The following CDH18 variants were observed in gnomAD, a reference collection of about 807,000 sequenced individuals.
CDH18 encodes cadherin-18.
Under a neutral mutation model 67.9 loss-of-function variants are expected in CDH18, and 31 were observed. The observed-to-expected ratio is 0.46, with a 90% CI of 0.34 to 0.62. CDH18 has a LOEUF of 0.62. CDH18 is among the 20% of genes least tolerant of loss of function. The probability of loss-of-function intolerance (pLI) is 0.01; values close to 1 mark genes in which losing one functional copy is unlikely to be tolerated. For missense variants in CDH18, 890 were observed against 975.5 expected (o/e 0.91, Z 1.17); for synonymous variants, 362 against 347.2 (o/e 1.04, Z -0.48).
At position 20,175,616 on chromosome 5, in the gene CDH18, T is replaced by C. The variant is rs531310046; in HGVS notation, c.-518+79828A>G. ...GCATCCCTGTAGAGCTTTGTATTAG[T>C]AAGAGTTCTCTAAAGGGACAGAACT... On this transcript the variant is annotated intron_variant, in intron 2 of 14. Transcript: ENST00000507958. 2.6e-5 allele frequency among the ~76,000 whole-genome samples: 4 copies of C among 152,222 alleles called. 1 individual carries two copies. The East Asian group carries it at 7.8e-4, about 30-fold the overall frequency.
At chr5:19,834,023 C>A (rs970354894) in intron 3 of CDH18, among the ~76,000 whole-genome samples, 3 of 151,918 alleles carry the variant, frequency 2.0e-5, no homozygotes, top group African/African-American at 7.3e-5. Context: ...CAGGATGATG[C>A]CGGCTTCATA....
At position 20,497,204 on chromosome 5, in the gene CDH18, C is replaced by T. The variant is rs1251181220; in HGVS notation, c.-580+78258G>A. Among the ~76,000 whole-genome samples the T allele has an allele frequency of 2.6e-5, 4 of 152,070 alleles. No homozygotes were observed. The East Asian group carries it at 7.7e-4, about 29-fold the overall frequency. Reference sequence around the variant, plus strand: ...GAGGGCTCAGGGAGTAATCGTGAACCAGGTTGTTTTGAGCCTTATAGGCTC... The same window carrying T: ...GAGGGCTCAGGGAGTAATCGTGAACTAGGTTGTTTTGAGCCTTATAGGCTC... On this transcript the variant is annotated intron_variant, in intron 1 of 14. Coordinates refer to the CDH18 transcript ENST00000507958.
intron 2 of CDH18, among the ~76,000 whole-genome samples, chr5:19,848,382 T>C (rs953512112): frequency 6.6e-5 from 10 of 152,044 alleles, no homozygotes; most frequent in African/African-American, 2.2e-4. Flanking sequence ...GATGAGAGGG[T>C]GCCACACTTT....
chr5:19,864,384 G>C (rs560494108), intron 2 of CDH18, among the ~76,000 whole-genome samples: 282 of 138,760 alleles, frequency 2.0e-3, no homozygotes, highest in Non-Finnish European at 3.7e-3. Context: ...GTTGTGTGGT[G>C]GGGGGAGGGG....
intron 2 of CDH18, among the ~76,000 whole-genome samples, chr5:20,194,466 T>C (rs1312909372): frequency 6.6e-6 from 1 of 152,038 alleles, no homozygotes; most frequent in East Asian, 1.9e-4. Context: ...CATGTTTATA[T>C]ATGCTAATCA....
intron 8 of CDH18, among the ~76,000 whole-genome samples, chr5:19,547,540 GT>G (rs1437716935): frequency 6.6e-6 from 1 of 152,106 alleles, no homozygotes; most frequent in Non-Finnish European, 1.5e-5. Flanking sequence ...AAAATATGTA[GT>G]CTTTTTGCCA....
rs115210800 is a variant in CDH18, at chr5:20,450,890, G to T, written c.-580+124572C>A. 3.7e-3 allele frequency among the ~76,000 whole-genome samples: 569 copies of T among 152,226 alleles called. 1 individual carries two copies. Among genetic ancestry groups the T allele is most frequent in the Non-Finnish European group, 5.0e-3 (338 of 68,018 alleles). On this transcript the variant is annotated intron_variant, in intron 1 of 14. Coordinates refer to the CDH18 transcript ENST00000507958. ...ATAATCATGGTGGAAGGTAAATGCC[G>T]AGCAAAGTCACGTCTTACATGGCAG...
intron 5 of CDH18, among the ~76,000 whole-genome samples, chr5:19,682,456 T>C (rs1760469043): frequency 1.3e-5 from 2 of 152,064 alleles, no homozygotes; most frequent in Admixed American, 1.3e-4. Flanking sequence ...TTTTTGCTTC[T>C]AAGACACCAC....
chr5:19,621,777 T>G (rs1278298781), intron 5 of CDH18, among the ~76,000 whole-genome samples: 1 of 152,220 alleles, frequency 6.6e-6, no homozygotes, highest in South Asian at 2.1e-4. Context: ...TTAATGATAC[T>G]GTATCGGACA....
intron 2 of CDH18, among the ~76,000 whole-genome samples, chr5:20,090,828 A>T (rs1745354977): frequency 1.3e-5 from 2 of 151,978 alleles, no homozygotes; most frequent in African/African-American, 4.8e-5. Flanking sequence ...CCAGGTGTTC[A>T]AGACCATTCT....
chr5:20,419,746 G>C (rs1275620370), intron 1 of CDH18, among the ~76,000 whole-genome samples: 1 of 150,734 alleles, frequency 6.6e-6, no homozygotes, highest in African/African-American at 2.5e-5. Context: ...CAAAGTTCTG[G>C]GATTACAGGC....
chr5:19,893,234 G>A (rs1788963639), intron 2 of CDH18, among the ~76,000 whole-genome samples: 1 of 152,128 alleles, frequency 6.6e-6, no homozygotes, highest in Admixed American at 6.6e-5. Context: ...GCTAATTCAT[G>A]GCCTTTTGCT....
intron 2 of CDH18, among the ~76,000 whole-genome samples, chr5:20,198,242 T>TGGAG (rs1739146548): frequency 6.6e-6 from 1 of 152,152 alleles, no homozygotes; most frequent in African/African-American, 2.4e-5. Context: ...TGGAACAGTT[T>TGGAG]GGAGGGCAAG....
chr5:19,994,754 G>T (rs1293715089), intron 2 of CDH18, among the ~76,000 whole-genome samples: 818 of 41,064 alleles, frequency 0.02, 17 homozygotes, highest in Non-Finnish European at 0.026. Context: ...GAGAGAGAGA[G>T]AGAGAGAGAG....
At chr5:20,038,085 A>G (rs1034278461) in intron 2 of CDH18, among the ~76,000 whole-genome samples, 2 of 152,184 alleles carry the variant, frequency 1.3e-5, no homozygotes, top group African/African-American at 4.8e-5. Context: ...TACACAAATA[A>G]ACTAGAAAAT....
At position 20,145,578 on chromosome 5, in the gene CDH18, T is replaced by C. The variant is rs183302511; in HGVS notation, c.-518+109866A>G. Among the ~76,000 whole-genome samples, 333 of 152,284 alleles carry C rather than the reference T, an allele frequency of 2.2e-3. 3 individuals are homozygous for C. The highest frequency in any genetic ancestry group is 0.017 in the Admixed American group (261 of 15,288). On this transcript the variant is annotated intron_variant, in intron 2 of 14. Transcript: ENST00000507958. ...TAAATTTTGATCACATCTTAAAAAA[T>C]AGCTTCACAGCAACATCTAGACTGG...
chr5:19,861,139 G>T (rs969617110), intron 2 of CDH18, among the ~76,000 whole-genome samples: 1 of 152,126 alleles, frequency 6.6e-6, no homozygotes, highest in African/African-American at 2.4e-5. Context: ...GCAAGTGAAG[G>T]TCTCAGTGCC....
Position 20,301,789 on chromosome 5 carries a change from C to CTTTTTTTTTTTTTTTTT in CDH18, c.-579-46301_-579-46285dup, listed in dbSNP as rs59276117. On this transcript the variant is annotated intron_variant, in intron 1 of 14. Transcript: ENST00000507958. ...AAAGGTAGTTTGCTCTTTCTTTTTT[C>CTTTTTTTTTTTTTTTTT]TTTTTTTTTTTTTTTTTTGGCATGC... 1.2e-3 allele frequency among the ~76,000 whole-genome samples: 154 copies of CTTTTTTTTTTTTTTTTT among 128,066 alleles called. 1 individual carries two copies. Among genetic ancestry groups the CTTTTTTTTTTTTTTTTT allele is most frequent in the Middle Eastern group, 4.2e-3 (1 of 238 alleles). 84.0% of individuals were successfully genotyped at this position (128,066 alleles called of 152,430 possible). A position where few individuals can be genotyped will look rare whatever the true frequency, so the allele number is the denominator to read the frequency against.
At chr5:20,138,780 G>A (rs1390710643) in intron 2 of CDH18, among the ~76,000 whole-genome samples, 3 of 152,062 alleles carry the variant, frequency 2.0e-5, no homozygotes, top group Non-Finnish European at 4.4e-5. Context: ...CCTCTTCAAG[G>A]AGACCTACAA....
Sources: gnomAD v4.1 joint callset for allele counts (sites outside exome capture counted in the v4.1 genomes callset) on GRCh38, gnomAD v4.1.1 for gene constraint, MANE v1.5 for transcripts, NCBI Gene and HGNC (gene_info 2026-07-23, HGNC 2026-07-21) for gene names.